Variants in FNTB observed in about 807,000 individuals in gnomAD.
FNTB encodes farnesyltransferase, CAAX box, subunit beta.
FNTB carries 27 observed loss-of-function variants against 59.4 expected under a neutral mutation model. The observed-to-expected ratio is 0.45, with a 90% confidence interval of 0.34 to 0.63. The LOEUF (loss-of-function observed/expected upper bound fraction) is 0.63. Ranked by LOEUF, FNTB falls within the 20% of genes least tolerant of loss-of-function variation. The pLI, the probability that FNTB is intolerant of heterozygous loss-of-function variation, is 0.02. For synonymous variants in FNTB, 230 were observed against 220.7 expected (o/e 1.04, Z -0.37); for missense variants, 449 against 559.6 (o/e 0.80, Z 1.99).
At chr14:65,049,303 C>T (rs1048065307) in intron 9 of FNTB, among the ~76,000 whole-genome samples, 2 of 152,110 alleles carry the variant, frequency 1.3e-5, no homozygotes, top group South Asian at 2.1e-4. Flanking sequence ...TCTTGCCTAC[C>T]TGTGAAATTG....
At chr14:65,021,962 C>G (rs574101420) in intron 4 of FNTB, 2 of 455,852 alleles carry the variant, frequency 4.4e-6, no homozygotes, top group South Asian at 1.5e-5. Context: ...AGCCAACTTT[C>G]GACCTGACCA....
At chr14:65,045,253 G>A (rs913225393) in intron 9 of FNTB, among the ~76,000 whole-genome samples, 2 of 152,272 alleles carry the variant, frequency 1.3e-5, no homozygotes, top group South Asian at 4.1e-4. Flanking sequence ...GGGCCCTGCT[G>A]GTTGCTGATC....
At chr14:65,005,491 TTCTTTC>T (rs2061569761) in intron 2 of FNTB, among the ~76,000 whole-genome samples, 2 of 138,176 alleles carry the variant, frequency 1.4e-5, no homozygotes, top group Admixed American at 7.2e-5. Flanking sequence ...CTTTCTTTCT[TTCTTTC>T]TTTCTTTCTT....
intron 4 of FNTB, among the ~76,000 whole-genome samples, chr14:65,020,457 G>A (rs376449415): frequency 1.3e-5 from 2 of 151,716 alleles, no homozygotes; most frequent in Admixed American, 6.6e-5. Flanking sequence ...TGAGAGTCTC[G>A]CTCTGTTGCC....
chr14:65,045,774 T>C (rs2062463824), intron 9 of FNTB, among the ~76,000 whole-genome samples: 1 of 152,152 alleles, frequency 6.6e-6, no homozygotes, highest in Non-Finnish European at 1.5e-5. Context: ...TGACCATTTC[T>C]GACACTGAAT....
intron 4 of FNTB, chr14:65,021,894 C>T (rs1017060614): frequency 1.5e-5 from 7 of 455,504 alleles, no homozygotes; most frequent in East Asian, 6.9e-5. Context: ...GATCCGCCCA[C>T]GTCGGCCTCC....
In FNTB at chr14:64,997,192, A is replaced by G. The variant is rs1888430234; in HGVS notation, c.145-7057A>G. Reference sequence around the variant, plus strand: ...ATAACCAGCGATTATTCCGGAGGTCACAAGATTTAGAGCTTTCTCAATTAC... The same window carrying G: ...ATAACCAGCGATTATTCCGGAGGTCGCAAGATTTAGAGCTTTCTCAATTAC... On this transcript the variant is annotated intron_variant, in intron 1 of 11. Coordinates refer to ENST00000246166, the MANE Select transcript of FNTB (RefSeq NM_002028.4). The surrounding 1 kb of genome is among the most constrained non-coding windows in gnomAD (Gnocchi z 4.5). Among the ~76,000 whole-genome samples the G allele has an allele frequency of 6.6e-6, 1 of 152,222 alleles. No individual in the cohort carries two copies. Among genetic ancestry groups the G allele is most frequent in the South Asian group, 2.1e-4 (1 of 4,830 alleles).
intron 4 of FNTB, among the ~76,000 whole-genome samples, chr14:65,018,754 G>A (rs1214351278): frequency 6.7e-6 from 1 of 148,336 alleles, no homozygotes; most frequent in African/African-American, 2.5e-5. Context: ...ACGTTGCGAC[G>A]AGCCAAGATC....
intron 2 of FNTB, chr14:65,006,143 G>A: frequency 6.3e-7 from 1 of 1,577,288 alleles, no homozygotes; most frequent in South Asian, 1.1e-5. Context: ...AGCTTTGTTT[G>A]TTACCTTTGT....
chr14:64,987,160 G>C (rs746397174), intron 1 of FNTB, 63 bp downstream of exon 1: 5 of 1,591,394 alleles, frequency 3.1e-6, no homozygotes, highest in Non-Finnish European at 4.3e-6. Flanking sequence ...AGTCCCGTTC[G>C]TAGGGCCGCC....
chr14:65,015,410 CTTTT>C (rs888923691), intron 3 of FNTB: 760 of 155,390 alleles, frequency 4.9e-3, no homozygotes, highest in East Asian at 0.013. Context: ...GCCTTGTTAT[CTTTT>C]TTTTTTTTTT....
intron 4 of FNTB, among the ~76,000 whole-genome samples, chr14:65,018,835 G>T (rs1368812368): frequency 3.3e-5 from 5 of 149,890 alleles, no homozygotes; most frequent in African/African-American, 4.9e-5. Context: ...AAAAGGCCAG[G>T]CGCGGTGGCT....
intron 8 of FNTB, 59 bp downstream of exon 8, chr14:65,040,978 C>T: frequency 1.3e-6 from 2 of 1,592,592 alleles, no homozygotes; most frequent in South Asian, 1.1e-5. Context: ...TGTGATTGTA[C>T]TCAGACATGC....
chr14:65,017,411 G>T (rs1229760864), intron 4 of FNTB, among the ~76,000 whole-genome samples: 1 of 152,152 alleles, frequency 6.6e-6, no homozygotes, highest in Non-Finnish European at 1.5e-5. Flanking sequence ...GATGGAGGAG[G>T]CCGCAGACCC....
rs560679621 is a variant in FNTB at position 64,991,650 on chromosome 14, G to C, written c.144+4553G>C. 2.0e-5 allele frequency among the ~76,000 whole-genome samples: 3 copies of C among 152,256 alleles called. No individual in the cohort carries two copies. The highest frequency in any genetic ancestry group is 6.5e-5 in the Admixed American group (1 of 15,280). Reference sequence around the variant, plus strand: ...AATATGCTATAGGCAGTCACAGAGTGCTAAATTATAACTGCTTTGCACGAG... The same window carrying C: ...AATATGCTATAGGCAGTCACAGAGTCCTAAATTATAACTGCTTTGCACGAG... On this transcript the variant is annotated intron_variant, in intron 1 of 11. Transcript: ENST00000246166. The surrounding 1 kb of genome is among the most constrained non-coding windows in gnomAD (Gnocchi z 4.4).
intron 2 of FNTB, chr14:65,006,251 A>C (rs748529380): frequency 1.2e-6 from 2 of 1,613,846 alleles, no homozygotes; most frequent in South Asian, 2.2e-5. Context: ...TCATAAGGAA[A>C]GACAGGTGGG....
At chr14:65,006,414 C>A in intron 2 of FNTB, 1 of 1,395,640 alleles carries the variant, frequency 7.2e-7, no homozygotes, top group South Asian at 1.4e-5. Flanking sequence ...TCATGAGATA[C>A]AGCTAGAGAT....
At chr14:65,046,805 A>G (rs2062491329) in intron 9 of FNTB, among the ~76,000 whole-genome samples, 2 of 152,212 alleles carry the variant, frequency 1.3e-5, no homozygotes, top group Admixed American at 1.3e-4. Flanking sequence ...GTTGACTACA[A>G]AAAATTCATA....
Position 65,030,536 on chromosome 14 carries a change from C to G in FNTB, c.606-2074C>G, listed in dbSNP as rs768960594. Among the ~76,000 whole-genome samples, 1 of 152,050 alleles carries G rather than the reference C, an allele frequency of 6.6e-6. No individual in the cohort carries two copies. The highest frequency in any genetic ancestry group is 2.1e-4 in the South Asian group (1 of 4,820). ...AGAGAATCACTTGAGGCCAGGAGTT[C>G]AAGACCAACCTGGGTAACACAGCAA... On this transcript the variant is annotated intron_variant, in intron 6 of 11. Transcript: ENST00000246166. The surrounding 1 kb of genome is among the most constrained non-coding windows in gnomAD (Gnocchi z 4.5).
Sources: allele counts gnomAD v4.1 joint callset (sites outside exome capture counted in the v4.1 genomes callset), GRCh38; gene constraint gnomAD v4.1.1; non-coding constraint Gnocchi (gnomAD v3.1); transcripts MANE v1.5; gene names NCBI Gene and HGNC (gene_info 2026-07-23, HGNC 2026-07-21).